DACH2: variants seen among roughly 807,000 people sequenced by gnomAD.
DACH2 encodes the protein dachshund family transcription factor 2.
Under a neutral mutation model 35.8 loss-of-function variants are expected in DACH2, and 17 were observed. The observed-to-expected ratio is 0.48, with a 90% confidence interval of 0.33 to 0.71. The LOEUF (loss-of-function observed/expected upper bound fraction) is 0.71. Ranked by LOEUF, DACH2 falls within the 30% of genes least tolerant of loss-of-function variation. DACH2 has a pLI of 0.02. For synonymous variants in DACH2, 195 were observed against 177.3 expected, an observed-to-expected ratio of 1.10 and a Z score of -0.79; for missense variants, 469 against 472.7, an observed-to-expected ratio of 0.99 and a Z score of 0.07.
chrX:86,814,589 C>A, intron 9 of DACH2, 99 bp from the exon 10 acceptor site: 1 of 827,565 alleles, frequency 1.2e-6, no homozygotes. Flanking sequence ...ATTTCTATAT[C>A]TCTCTTTATC....
intron 1 of DACH2, among the ~76,000 whole-genome samples, chrX:86,169,202 G>C (rs1212132972): frequency 9.0e-6 from 1 of 111,240 alleles, no homozygotes; most frequent in Non-Finnish European, 1.9e-5. Context: ...TTTTCCTTCA[G>C]CCCTTTAAAT....
rs375311609 is a variant in DACH2, at chrX:86,576,078, T to C, written c.640+61687T>C. Among the ~76,000 whole-genome samples the C allele has an allele frequency of 2.7e-4, 30 of 112,185 alleles. No homozygotes were observed. The East Asian group carries it at 2.8e-3, about 11-fold the overall frequency. On this transcript the variant is annotated intron_variant, in intron 3 of 11. Coordinates refer to ENST00000373125, the MANE Select transcript of DACH2 (RefSeq NM_053281.3). ...TCCATTCATTCATTTACTCAACAAA[T>C]ACTTAAAGCCTTTTTTGGTCCAAGC...
intron 5 of DACH2, among the ~76,000 whole-genome samples, chrX:86,699,675 C>T (rs1258002471): frequency 1.8e-5 from 2 of 110,677 alleles, no homozygotes; most frequent in African/African-American, 6.6e-5. Context: ...TATGATAGGC[C>T]AAAAAACATG....
chrX:86,547,628 G>A (rs2038994635), intron 3 of DACH2, among the ~76,000 whole-genome samples: 1 of 110,312 alleles, frequency 9.1e-6, no homozygotes, highest in Non-Finnish European at 1.9e-5. Flanking sequence ...GATTCAGAGT[G>A]TCACTTAAAG....
intron 2 of DACH2, among the ~76,000 whole-genome samples, chrX:86,385,681 C>A (rs2036112861): frequency 9.0e-6 from 1 of 110,869 alleles, no homozygotes; most frequent in African/African-American, 3.3e-5. Flanking sequence ...CGAGTGATGA[C>A]TATATTTTAC....
At chrX:86,535,806 G>A (rs1046893395) in intron 3 of DACH2, among the ~76,000 whole-genome samples, 4 of 110,975 alleles carry the variant, frequency 3.6e-5, no homozygotes, top group Non-Finnish European at 7.6e-5. Context: ...TAGATTTTTC[G>A]ATCACCTTTT....
intron 1 of DACH2, among the ~76,000 whole-genome samples, chrX:86,341,826 T>A (rs748824461): frequency 8.1e-4 from 91 of 112,070 alleles, no homozygotes; most frequent in African/African-American, 2.8e-3. Context: ...GTGGAGGATG[T>A]AACTGCAGAC....
At chrX:86,499,251 G>T (rs1170313074) in intron 2 of DACH2, among the ~76,000 whole-genome samples, 2 of 111,779 alleles carry the variant, frequency 1.8e-5, no homozygotes, top group Non-Finnish European at 3.8e-5. Flanking sequence ...TACAGAAAGA[G>T]AATTCCTGAT....
At chrX:86,655,756 G>T (rs763380947) in intron 4 of DACH2, among the ~76,000 whole-genome samples, 17 of 111,154 alleles carry the variant, frequency 1.5e-4, no homozygotes, top group Non-Finnish European at 2.8e-4. Flanking sequence ...ATATATAAAT[G>T]ACTATACTCT....
At position 86,372,847 on chromosome X, in the gene DACH2, C is replaced by T. The variant is rs371357183; in HGVS notation, c.489-3977C>T. ...TTCCTCTCCCCTACGTCTAGTAGTC[C>T]CCAGTGTCTATTGTTGACATCTTTA... On this transcript the variant is annotated intron_variant, in intron 1 of 11. Transcript: ENST00000373125. Among the ~76,000 whole-genome samples the T allele has an allele frequency of 2.2e-4, 24 of 110,524 alleles. No homozygotes were observed. In the East Asian group the frequency reaches 4.1e-3, roughly 19 times the overall value.
At chrX:86,341,553 G>A (rs890993464) in intron 1 of DACH2, among the ~76,000 whole-genome samples, 1 of 112,332 alleles carries the variant, frequency 8.9e-6, no homozygotes, top group African/African-American at 3.2e-5. Flanking sequence ...CCATTCTGCA[G>A]CCCATGGATC....
chrX:86,491,393 T>C (rs1175337955), intron 2 of DACH2, among the ~76,000 whole-genome samples: 1 of 112,050 alleles, frequency 8.9e-6, no homozygotes, highest in African/African-American at 3.2e-5. Context: ...GGACCTCTAA[T>C]TTTATTCAAC....
chrX:86,281,957 C>A (rs2034038501), intron 1 of DACH2, among the ~76,000 whole-genome samples: 1 of 111,662 alleles, frequency 9.0e-6, no homozygotes, highest in South Asian at 3.7e-4. Context: ...ATGTGAAGGA[C>A]CTCTTCAAAG....
chrX:86,429,535 A>T (rs868859773), intron 2 of DACH2, among the ~76,000 whole-genome samples: 1 of 101,508 alleles, frequency 9.9e-6, no homozygotes, highest in East Asian at 3.6e-4. Flanking sequence ...TCTAGAGTGC[A>T]TTTCTTTTCT....
intron 1 of DACH2, among the ~76,000 whole-genome samples, chrX:86,325,815 T>C (rs745776208): frequency 1.8e-5 from 2 of 112,214 alleles, no homozygotes; most frequent in South Asian, 7.4e-4. Context: ...GATAGACTAT[T>C]ACAGTATAGC....
At chrX:86,441,479 C>CTGTGTG (rs61396163) in intron 2 of DACH2, among the ~76,000 whole-genome samples, 172 of 95,449 alleles carry the variant, frequency 1.8e-3, no homozygotes, top group African/African-American at 5.9e-3. Context: ...AAGTATTCCA[C>CTGTGTG]TGTGTGTGTG....
At chrX:86,183,503 C>T (rs1373145593) in intron 1 of DACH2, among the ~76,000 whole-genome samples, 1 of 111,809 alleles carries the variant, frequency 8.9e-6, no homozygotes, top group Non-Finnish European at 1.9e-5. Context: ...GTTGAACCAG[C>T]CTTGCATCCC....
chrX:86,533,448 G>T (rs749078195), intron 3 of DACH2, among the ~76,000 whole-genome samples: 2 of 111,265 alleles, frequency 1.8e-5, no homozygotes, highest in African/African-American at 6.5e-5. Context: ...TTTAAATACA[G>T]TGTACTCTGT....
chrX:86,478,808 A>G (rs1368509657), intron 2 of DACH2, among the ~76,000 whole-genome samples: 2 of 110,161 alleles, frequency 1.8e-5, no homozygotes, highest in African/African-American at 6.6e-5. Context: ...ACAGCTCCAG[A>G]AGCCCCAGTG....
Sources: allele counts gnomAD v4.1 joint callset (sites outside exome capture counted in the v4.1 genomes callset), GRCh38; gene constraint gnomAD v4.1.1; transcripts MANE v1.5; gene names NCBI Gene and HGNC (gene_info 2026-07-23, HGNC 2026-07-21).